The following SKAP1 variants were observed in gnomAD, a reference collection of about 807,000 sequenced individuals.
The protein encoded by SKAP1 is src kinase associated phosphoprotein 1, also known as src kinase-associated phosphoprotein 1.
A neutral mutation model predicts 58.5 loss-of-function variants in SKAP1; 44 were observed. That is an observed-to-expected ratio of 0.75 (90% confidence interval 0.59 to 0.97). The LOEUF is 0.97. Among genes scored for constraint, SKAP1 ranks in the 50% least tolerant of loss-of-function variants. SKAP1 has a pLI of 0.00. For synonymous variants in SKAP1, 127 were observed against 149.7 expected (o/e 0.85, Z 1.11); for missense variants, 390 against 435.2 (o/e 0.90, Z 0.92).
chr17:48,298,012 A>G (rs771348986), intron 4 of SKAP1, among the ~76,000 whole-genome samples: 80 of 152,038 alleles, frequency 5.3e-4, no homozygotes, highest in Non-Finnish European at 1.0e-3. Flanking sequence ...CTGCACTCCA[A>G]CCTTGAGCAG....
At chr17:48,154,578 C>A (rs2063947319) in intron 11 of SKAP1, among the ~76,000 whole-genome samples, 1 of 152,168 alleles carries the variant, frequency 6.6e-6, no homozygotes, top group Non-Finnish European at 1.5e-5. Context: ...CAACCCAAGC[C>A]CAAGAGATGT....
chr17:48,302,971 A>G (rs2066081873), intron 4 of SKAP1, among the ~76,000 whole-genome samples: 1 of 152,214 alleles, frequency 6.6e-6, no homozygotes, highest in Non-Finnish European at 1.5e-5. Flanking sequence ...GCAATTATAT[A>G]TTTTAAACTT....
At chr17:48,363,916 A>G (rs1427385285) in intron 2 of SKAP1, 102 bp from the exon 3 acceptor site, 3 of 852,722 alleles carry the variant, frequency 3.5e-6, no homozygotes, top group Middle Eastern at 2.3e-4. Flanking sequence ...AAAGCTTGCT[A>G]AAGTCTATAA....
chr17:48,425,328 C>T (rs529678682), intron 1 of SKAP1, among the ~76,000 whole-genome samples: 1 of 152,216 alleles, frequency 6.6e-6, no homozygotes, highest in South Asian at 2.1e-4. Flanking sequence ...AATAGACAAA[C>T]CTGTGCACAA....
chr17:48,431,194 C>T (rs2067912837), upstream of SKAP1, among the ~76,000 whole-genome samples: 1 of 152,188 alleles, frequency 6.6e-6, no homozygotes, highest in African/African-American at 2.4e-5. Context: ...CCTGTAATCA[C>T]AGCACTTTGG....
rs1371457429 is a variant in SKAP1 at position 48,274,055 on chromosome 17, G to C, written c.280+71850C>G. Among the ~76,000 whole-genome samples the C allele has an allele frequency of 2.0e-5, 3 of 151,990 alleles. 1 individual carries two copies. Among genetic ancestry groups the C allele is most frequent in the South Asian group, 4.2e-4 (2 of 4,806 alleles). ...CCTCCTGCTTCAGCCTCCTGAGTAGGTAGGTCAATAGGCGTACACCACCAT... is the reference window on the plus strand; with the variant it reads ...CCTCCTGCTTCAGCCTCCTGAGTAGCTAGGTCAATAGGCGTACACCACCAT... On this transcript the variant is annotated intron_variant, in intron 4 of 12. Coordinates refer to ENST00000336915, the MANE Select transcript of SKAP1 (RefSeq NM_003726.4).
At chr17:48,261,620 G>C (rs936815038) in intron 4 of SKAP1, among the ~76,000 whole-genome samples, 3 of 152,100 alleles carry the variant, frequency 2.0e-5, no homozygotes, top group Admixed American at 2.0e-4. Context: ...TCAGAGTCAT[G>C]GGGGAACAAA....
At chr17:48,225,272 A>T (rs893590860) in intron 4 of SKAP1, among the ~76,000 whole-genome samples, 5 of 152,194 alleles carry the variant, frequency 3.3e-5, no homozygotes, top group Admixed American at 3.3e-4. Context: ...GTGCTTACTC[A>T]ACATTTTAAA....
chr17:48,409,436 G>A (rs148516226), intron 1 of SKAP1, among the ~76,000 whole-genome samples: 4 of 152,188 alleles, frequency 2.6e-5, no homozygotes, highest in African/African-American at 9.6e-5. Context: ...AGGCCGAGGC[G>A]GGCAAATCAC....
intron 4 of SKAP1, among the ~76,000 whole-genome samples, chr17:48,274,539 A>T (rs865913687): frequency 5.0e-4 from 76 of 152,202 alleles, no homozygotes; most frequent in Middle Eastern, 3.4e-3. Flanking sequence ...TCTACTAAAA[A>T]TACAAAATTA....
chr17:48,197,467 T>C (rs2064652544), intron 4 of SKAP1, among the ~76,000 whole-genome samples: 3 of 152,140 alleles, frequency 2.0e-5, no homozygotes, highest in Middle Eastern at 3.4e-3. Context: ...GGCAGGCAGA[T>C]CACTTGAGGC....
intron 4 of SKAP1, among the ~76,000 whole-genome samples, chr17:48,201,931 G>C (rs1844496236): frequency 6.6e-6 from 1 of 152,154 alleles, no homozygotes. Context: ...CCTCAGTCTT[G>C]TTCTTTTATT....
chr17:48,162,882 G>A (rs1176935371), intron 10 of SKAP1, among the ~76,000 whole-genome samples: 1 of 152,216 alleles, frequency 6.6e-6, no homozygotes, highest in Non-Finnish European at 1.5e-5. Context: ...AGTAAGCAGT[G>A]CAGAGGTTTC....
At chr17:48,231,701 C>T (rs2065127971) in intron 4 of SKAP1, 1 of 151,992 alleles carries the variant, frequency 6.6e-6, no homozygotes, top group Non-Finnish European at 1.5e-5. Flanking sequence ...TGAGAAAGAC[C>T]CTTTAGACCT....
At chr17:48,248,426 G>A (rs1033287128) in intron 4 of SKAP1, among the ~76,000 whole-genome samples, 1 of 152,042 alleles carries the variant, frequency 6.6e-6, no homozygotes, top group Non-Finnish European at 1.5e-5. Flanking sequence ...AAATAGCCGG[G>A]CATAGTGGCA....
chr17:48,213,411 G>A (rs2064899415), intron 4 of SKAP1, among the ~76,000 whole-genome samples: 1 of 150,672 alleles, frequency 6.6e-6, no homozygotes, highest in Admixed American at 6.6e-5. Context: ...CTTATACAGA[G>A]TTGATGGGCC....
the SKAP1 span, among the ~76,000 whole-genome samples, chr17:48,445,031 A>T: frequency 6.6e-6 from 1 of 152,170 alleles, no homozygotes; most frequent in Non-Finnish European, 1.5e-5. Context: ...TCGACAGGAG[A>T]AGCAGCGAGC....
At chr17:48,158,753 G>A (rs1271444406) in intron 11 of SKAP1, among the ~76,000 whole-genome samples, 3 of 151,662 alleles carry the variant, frequency 2.0e-5, no homozygotes, top group African/African-American at 4.8e-5. Flanking sequence ...GAGGTCAGGA[G>A]ATTGAGACCA....
chr17:48,190,102 A>T (rs1043301357), intron 4 of SKAP1, among the ~76,000 whole-genome samples: 2 of 146,246 alleles, frequency 1.4e-5, no homozygotes, highest in Non-Finnish European at 3.0e-5. Flanking sequence ...GACTCCAGAA[A>T]ATTAAGAATT....
Sources: gnomAD v4.1 joint callset for allele counts (sites outside exome capture counted in the v4.1 genomes callset) on GRCh38, gnomAD v4.1.1 for gene constraint, MANE v1.5 for transcripts, NCBI Gene and HGNC (gene_info 2026-07-23, HGNC 2026-07-21) for gene names.